TRPC4: variants seen among roughly 807,000 people sequenced by gnomAD.
TRPC4 encodes transient receptor potential cation channel subfamily C member 4.
TRPC4 carries 49 observed loss-of-function variants against 99.4 expected under a neutral mutation model. The observed-to-expected ratio is 0.49, with a 90% CI of 0.39 to 0.63. TRPC4 has a LOEUF of 0.63. Among genes scored for constraint, TRPC4 ranks in the 20% least tolerant of loss-of-function variants. The pLI is 0.00. For missense variants in TRPC4, 898 were observed against 1,152.9 expected (o/e 0.78, Z 3.20); for synonymous variants, 454 against 425.9 (o/e 1.07, Z -0.81).
chr13:37,739,693 A>G (rs1375277143), intron 3 of TRPC4, among the ~76,000 whole-genome samples: 1 of 151,730 alleles, frequency 6.6e-6, no homozygotes, highest in African/African-American at 2.4e-5. Flanking sequence ...TTTAGTAGAG[A>G]CAGGGTTTCG....
At chr13:37,720,279 T>C (rs926951021) in intron 3 of TRPC4, among the ~76,000 whole-genome samples, 2 of 152,158 alleles carry the variant, frequency 1.3e-5, no homozygotes, top group South Asian at 2.1e-4. Flanking sequence ...AACTAATTAA[T>C]GTATACATTG....
chr13:37,637,581 T>G lies in TRPC4; in HGVS notation c.2256A>C (p.Gly752=). ...DISSFRFEVL[G]LLRGSKLSTI... ...TGGAAAGTTTGCTTCCTCTTAGTAA[T>G]CCCAGGACTTCAAAGCGGAAACTAG... The change falls in exon 11 of 11, where the codon GGA becomes GGC. Residue 752 remains glycine, a synonymous_variant. Transcript: ENST00000379705. 2 of 1,603,114 alleles carry G rather than the reference T, an allele frequency of 1.2e-6. No homozygotes were observed. Among genetic ancestry groups the G allele is most frequent in the Non-Finnish European group, 1.7e-6 (2 of 1,176,662 alleles).
intron 3 of TRPC4, among the ~76,000 whole-genome samples, chr13:37,703,798 T>G (rs937675612): frequency 6.6e-6 from 1 of 152,140 alleles, no homozygotes; most frequent in Non-Finnish European, 1.5e-5. Context: ...AAATTAAATA[T>G]ACATCTACCA....
chr13:37,795,228 A>T (rs563190693), intron 1 of TRPC4, among the ~76,000 whole-genome samples: 47 of 152,280 alleles, frequency 3.1e-4, no homozygotes, highest in African/African-American at 9.1e-4. Flanking sequence ...TTGTTCTGGC[A>T]TATTCTGTGT....
intron 1 of TRPC4, among the ~76,000 whole-genome samples, chr13:37,812,985 G>A (rs1236909615): frequency 6.6e-6 from 1 of 151,678 alleles, no homozygotes; most frequent in Non-Finnish European, 1.5e-5. Flanking sequence ...CAGTGGAACA[G>A]CAACTCTAAA....
At chr13:37,844,672 G>A (rs1414073622) in intron 1 of TRPC4, among the ~76,000 whole-genome samples, 2 of 152,054 alleles carry the variant, frequency 1.3e-5, no homozygotes, top group Non-Finnish European at 2.9e-5. Flanking sequence ...GCTTTTTCTA[G>A]GTGAGAGGCA....
At position 37,869,638 on chromosome 13, in the gene TRPC4, A is replaced by G. The variant is rs949382891; in HGVS notation, c.-71T>C. The G allele has an allele frequency of 6.6e-6, 1 of 152,388 alleles. No homozygotes were observed. Among genetic ancestry groups the G allele is most frequent in the Admixed American group, 6.5e-5 (1 of 15,292 alleles). 9.4% of individuals were successfully genotyped at this position (152,388 alleles called of 1,614,324 possible). A position where few individuals can be genotyped will look rare whatever the true frequency, so the allele number is the denominator to read the frequency against. On this transcript the variant is annotated 5_prime_UTR_variant, in exon 1 of 11. Transcript: ENST00000379705. ...CGGGCTGAAGTGATGGGATCCGAGG[A>G]CTGACGGCGCGGGTGCCGTGCGGGG...
At chr13:37,677,423 T>C (rs7336526) in intron 4 of TRPC4, among the ~76,000 whole-genome samples, 92,731 of 151,412 alleles carry the variant, frequency 0.61, 29,322 homozygotes, top group East Asian at 0.8. Flanking sequence ...AGTACAGGCA[T>C]AACTCTATCA....
Position 37,838,701 on chromosome 13 carries a change from C to T in TRPC4, c.-28+30894G>A, listed in dbSNP as rs990486275. Among the ~76,000 whole-genome samples, 3 of 152,082 alleles carry T rather than the reference C, an allele frequency of 2.0e-5. No homozygotes were observed. The East Asian group carries it at 5.8e-4, about 29-fold the overall frequency. On this transcript the variant is annotated intron_variant, in intron 1 of 10. Transcript: ENST00000379705. ...GCCCTGACTCTAATCAATATATACA[C>T]AATATTCACTTCTCTATGTACCATA...
intron 3 of TRPC4, among the ~76,000 whole-genome samples, chr13:37,733,974 G>GTGA: frequency 6.6e-6 from 1 of 152,136 alleles, no homozygotes; most frequent in Non-Finnish European, 1.5e-5. Context: ...CACTGAGAAG[G>GTGA]TGATAATATG....
intron 1 of TRPC4, among the ~76,000 whole-genome samples, chr13:37,788,217 C>T (rs1191332860): frequency 6.6e-6 from 1 of 152,080 alleles, no homozygotes; most frequent in African/African-American, 2.4e-5. Flanking sequence ...ATATTTCATA[C>T]CAACCTTCAC....
At chr13:37,668,893 T>C (rs1374989864) in intron 5 of TRPC4, among the ~76,000 whole-genome samples, 2 of 152,170 alleles carry the variant, frequency 1.3e-5, no homozygotes, top group African/African-American at 4.8e-5. Context: ...GTGTTTATAC[T>C]GGCATATTAT....
intron 1 of TRPC4, among the ~76,000 whole-genome samples, chr13:37,794,691 A>G (rs991436744): frequency 7.2e-5 from 11 of 152,014 alleles, no homozygotes; most frequent in Non-Finnish European, 1.0e-4. Context: ...TAACTTTGTC[A>G]CTCTTTTACT....
intron 4 of TRPC4, among the ~76,000 whole-genome samples, chr13:37,681,561 G>A (rs919250823): frequency 2.0e-5 from 3 of 152,056 alleles, no homozygotes; most frequent in South Asian, 2.1e-4. Context: ...GCATGGTAGC[G>A]AAATGGCCAG....
intron 1 of TRPC4, among the ~76,000 whole-genome samples, chr13:37,836,821 C>A (rs536278807): frequency 2.6e-5 from 4 of 152,330 alleles, no homozygotes; most frequent in African/African-American, 9.6e-5. Flanking sequence ...ATCCCCAAGA[C>A]AATGCGGAAA....
chr13:37,653,729 T>C (rs1416044141), intron 7 of TRPC4, among the ~76,000 whole-genome samples: 1 of 152,154 alleles, frequency 6.6e-6, no homozygotes, highest in Non-Finnish European at 1.5e-5. Context: ...ATAATATTCT[T>C]AAATAGTGTT....
intron 3 of TRPC4, among the ~76,000 whole-genome samples, chr13:37,738,347 T>A (rs1955467717): frequency 6.6e-6 from 1 of 152,182 alleles, no homozygotes; most frequent in South Asian, 2.1e-4. Flanking sequence ...CAAAGTGCTA[T>A]GTTTAAAAGC....
At chr13:37,772,424 TA>T (rs1956579929) in intron 2 of TRPC4, among the ~76,000 whole-genome samples, 1 of 151,670 alleles carries the variant, frequency 6.6e-6, no homozygotes, top group Non-Finnish European at 1.5e-5. Context: ...AATTTTACTA[TA>T]AATCAAGTCT....
chr13:37,767,319 C>G (rs1956402967), intron 2 of TRPC4, among the ~76,000 whole-genome samples: 1 of 137,130 alleles, frequency 7.3e-6, no homozygotes, highest in East Asian at 2.2e-4. Context: ...AACACACTCC[C>G]CAGAGATATA....
Sources: gnomAD v4.1 joint callset for allele counts (sites outside exome capture counted in the v4.1 genomes callset) on GRCh38, gnomAD v4.1.1 for gene constraint, MANE v1.5 for transcripts, NCBI Gene and HGNC (gene_info 2026-07-23, HGNC 2026-07-21) for gene names.